The following ECD variants were observed in gnomAD, a reference collection of about 807,000 sequenced individuals.
The protein encoded by ECD is protein ecdysoneless homolog.
Under a neutral mutation model 77.2 loss-of-function variants are expected in ECD, and 59 were observed. That is an observed-to-expected ratio of 0.76 (90% CI 0.62 to 0.95). The LOEUF is 0.95. Ranked by LOEUF, ECD falls within the 40% of genes least tolerant of loss-of-function variation. ECD has a pLI of 0.00. For missense variants in ECD, 704 were observed against 763.4 expected, an observed-to-expected ratio of 0.92 and a Z score of 0.92; for synonymous variants, 233 against 267.4, an observed-to-expected ratio of 0.87 and a Z score of 1.26.
Position 73,139,748 on chromosome 10 carries a change from T to TA in ECD, c.1128-12dup, listed in dbSNP as rs779721621. 3 of 1,528,476 alleles carry TA rather than the reference T, an allele frequency of 2.0e-6. No homozygotes were observed. The highest frequency in any genetic ancestry group is 2.3e-5 in the East Asian group (1 of 44,348). The allele number at this position is 1,528,476 out of a possible 1,614,324, so 94.7% of individuals were successfully genotyped here. On this transcript the variant is annotated splice_polypyrimidine_tract_variant and intron_variant, in intron 9 of 13. Coordinates refer to ENST00000372979, the MANE Select transcript of ECD (RefSeq NM_007265.3). ...CTCATAGCAAGAGAACTATGAAAAATAAAAAACATGAGTATTTCTTCATAA... is the reference window on the plus strand; with the variant it reads ...CTCATAGCAAGAGAACTATGAAAAATAAAAAAACATGAGTATTTCTTCATAA...
intron 6 of ECD, among the ~76,000 whole-genome samples, chr10:73,153,083 A>G (rs913012783): frequency 1.3e-5 from 2 of 151,882 alleles, no homozygotes; most frequent in South Asian, 2.1e-4. Context: ...GTGAGCAATC[A>G]TGGCTCACTG....
chr10:73,134,459 G>T lies in ECD; in HGVS notation c.*124C>A. The stretch of plus-strand genomic sequence containing the variant: ...GAGGGCCACATTTGGGGCTCATGGA[G>T]AAGTCAATCTGTAAAACTTGTAATG... On this transcript the variant is annotated 3_prime_UTR_variant, in exon 14 of 14. Transcript: ENST00000372979. 3 of 933,934 alleles carry T rather than the reference G, an allele frequency of 3.2e-6. No homozygotes were observed. Among genetic ancestry groups the T allele is most frequent in the Non-Finnish European group, 4.8e-6 (3 of 630,148 alleles). 57.9% of individuals were successfully genotyped at this position (933,934 alleles called of 1,614,324 possible). A position where few individuals can be genotyped will look rare whatever the true frequency, so the allele number is the denominator to read the frequency against.
chr10:73,160,112 C>A (rs1296663291), intron 3 of ECD, among the ~76,000 whole-genome samples: 4 of 151,252 alleles, frequency 2.6e-5, no homozygotes, highest in Admixed American at 2.6e-4. Flanking sequence ...CATGGTGAAC[C>A]CTTGTCTCTA....
At chr10:73,167,437 A>G (rs112759989) in intron 1 of ECD, among the ~76,000 whole-genome samples, 1 of 152,270 alleles carries the variant, frequency 6.6e-6, no homozygotes, top group African/African-American at 2.4e-5. Context: ...TAAGAGTACT[A>G]GTTTATTCTT....
chr10:73,149,474 T>C (rs1392828874), intron 7 of ECD, among the ~76,000 whole-genome samples: 1 of 152,232 alleles, frequency 6.6e-6, no homozygotes, highest in African/African-American at 2.4e-5. Flanking sequence ...CAAGCTGCAG[T>C]TGGCAATGTG....
chr10:73,146,508 T>C (rs576458266), intron 8 of ECD, 147 bp from the exon 9 acceptor site: 1 of 434,128 alleles, frequency 2.3e-6, no homozygotes, highest in East Asian at 3.4e-5. Context: ...TTATCATTAA[T>C]GGGCCTGTTT....
intron 8 of ECD, among the ~76,000 whole-genome samples, chr10:73,147,412 G>T (rs1737397080): frequency 6.6e-6 from 1 of 152,122 alleles, no homozygotes; most frequent in Admixed American, 6.5e-5. Flanking sequence ...GCTGGGTGTG[G>T]TAGTGTGGGC....
chr10:73,163,473 G>A (rs1843407215), intron 2 of ECD, among the ~76,000 whole-genome samples: 1 of 152,116 alleles, frequency 6.6e-6, no homozygotes. Context: ...AGTAACTAAA[G>A]TTCAAAAGAA....
At chr10:73,140,302 A>G (rs991108289) in intron 9 of ECD, among the ~76,000 whole-genome samples, 2 of 151,718 alleles carry the variant, frequency 1.3e-5, no homozygotes, top group African/African-American at 4.8e-5. Flanking sequence ...GTTTTTAAGC[A>G]TATTTTTAGG....
At chr10:73,137,552 G>C (rs1352553238) in intron 12 of ECD, among the ~76,000 whole-genome samples, 1 of 152,092 alleles carries the variant, frequency 6.6e-6, no homozygotes, top group Non-Finnish European at 1.5e-5. Flanking sequence ...GAGATGGGCG[G>C]ATCATGAGGT....
At chr10:73,158,691 G>A (rs1305490588) in intron 3 of ECD, among the ~76,000 whole-genome samples, 1 of 152,026 alleles carries the variant, frequency 6.6e-6, no homozygotes, top group Admixed American at 6.5e-5. Context: ...AGCCGAGATT[G>A]TTCCACTGCA....
chr10:73,144,329 G>A (rs1843096797), intron 9 of ECD, among the ~76,000 whole-genome samples: 1 of 152,104 alleles, frequency 6.6e-6, no homozygotes, highest in Non-Finnish European at 1.5e-5. Context: ...GAGACAGAGA[G>A]CAGAATAATG....
chr10:73,139,476 G>A lies in ECD; in HGVS notation c.1254C>T (p.Leu418=). ...PPEDDDQWLD[L]SPDQLDQLLQ... is the part of the protein sequence containing the mutation. ...GCAGCTGGTCCAGCTGATCTGGTGA[G>A]AGATCTAACCACTGGTCATCTGAAA... Residue 418 remains leucine, a synonymous_variant, in exon 11 of 14, where the codon CTC becomes CTT. Transcript: ENST00000372979. The A allele has an allele frequency of 6.2e-7, 1 of 1,613,842 alleles. No individual in the cohort carries two copies. The highest frequency in any genetic ancestry group is 8.5e-7 in the Non-Finnish European group (1 of 1,179,950).
chr10:73,156,541 A>AT, intron 4 of ECD, 27 bp downstream of exon 4: 1 of 1,613,500 alleles, frequency 6.2e-7, no homozygotes, highest in East Asian at 2.2e-5. Flanking sequence ...TCATCTCTAT[A>AT]AATTTTCTAA....
At chr10:73,146,162 A>C (rs11000528) in intron 9 of ECD, 114 bp downstream of exon 9, 45,244 of 402,974 alleles carry the variant, frequency 0.11, 4,578 homozygotes, top group African/African-American at 0.34. Flanking sequence ...TGGGTGACAG[A>C]GTGAGACTCC....
chr10:73,153,534 C>T (rs188247255), intron 6 of ECD, among the ~76,000 whole-genome samples: 35 of 151,350 alleles, frequency 2.3e-4, no homozygotes, highest in South Asian at 1.0e-3. Flanking sequence ...GTCAGGAGTT[C>T]GAGACCAGTC....
At chr10:73,158,931 T>A (rs1345213721) in intron 3 of ECD, among the ~76,000 whole-genome samples, 1 of 152,116 alleles carries the variant, frequency 6.6e-6, no homozygotes, top group East Asian at 1.9e-4. Context: ...AATAAATTTA[T>A]TTAAAGATAA....
Position 73,156,461 on chromosome 10 carries a change from C to T in ECD, c.412-8G>A, listed in dbSNP as rs371033868. The T allele has an allele frequency of 3.0e-5, 48 of 1,607,786 alleles. No individual in the cohort carries two copies. Among genetic ancestry groups the T allele is most frequent in the African/African-American group, 5.4e-5 (4 of 74,654 alleles). On this transcript the variant is annotated splice_region_variant and splice_polypyrimidine_tract_variant and intron_variant, in intron 4 of 13. Transcript: ENST00000372979. ...CCCATGGCAGAAAAATACCTGCAAA[C>T]GGTACATTTCAATTTTCACAGTGGG...
intron 2 of ECD, 116 bp downstream of exon 2, chr10:73,163,617 G>A: frequency 1.0e-6 from 1 of 969,764 alleles, no homozygotes; most frequent in Non-Finnish European, 1.5e-6. Flanking sequence ...CATCTAAAAA[G>A]TTTAGTGTAT....
Sources: allele counts gnomAD v4.1 joint callset (sites outside exome capture counted in the v4.1 genomes callset), GRCh38; gene constraint gnomAD v4.1.1; transcripts MANE v1.5; gene names NCBI Gene and HGNC (gene_info 2026-07-23, HGNC 2026-07-21).